Variants in SMARCAL1 observed in about 807,000 individuals in gnomAD.
SMARCAL1 encodes the protein ATP-driven annealing helicase.
Under a neutral mutation model 94.5 loss-of-function variants are expected in SMARCAL1, and 58 were observed. That is an observed-to-expected ratio of 0.61 (90% CI 0.50 to 0.76). The LOEUF (loss-of-function observed/expected upper bound fraction) is 0.76. Among genes scored for constraint, SMARCAL1 ranks in the 30% least tolerant of loss-of-function variants. The pLI is 0.00. For synonymous variants in SMARCAL1, 422 were observed against 455.1 expected (o/e 0.93, Z 0.93); for missense variants, 1,051 against 1,177.9 (o/e 0.89, Z 1.58).
chr2:216,480,316 C>T (rs139656597), intron 17 of SMARCAL1, among the ~76,000 whole-genome samples: 16 of 152,270 alleles, frequency 1.1e-4, no homozygotes, highest in African/African-American at 3.6e-4. Context: ...GAGGTTATAT[C>T]TCACTGAGAT....
intron 11 of SMARCAL1, among the ~76,000 whole-genome samples, chr2:216,447,956 A>G (rs1694356107): frequency 6.6e-6 from 1 of 152,248 alleles, no homozygotes; most frequent in Non-Finnish European, 1.5e-5. Flanking sequence ...CTTACCCTAC[A>G]AGCCATCTAT....
In SMARCAL1 at chr2:216,415,287, G is replaced by A; in HGVS notation, c.583G>A (p.Ala195Thr). ...PRDAKLEAKT[A>T]KASPSGQNIS... ...GGATGCTAAGTTAGAGGCCAAGACA[G>A]CAAAAGCCTCCCCTTCGGGGCAGAA... Residue 195 changes from alanine (A) to threonine (T), a missense_variant, in exon 3 of 18, where the codon GCA becomes ACA. Ala to Thr is a moderately conservative substitution (Grantham distance 58). Around this residue, in one of 3 missense-constraint regions of SMARCAL1, gnomAD observed 398 missense variants for 395.2 expected, o/e 1.01. Coordinates refer to ENST00000357276, the MANE Select transcript of SMARCAL1 (RefSeq NM_014140.4). 6.2e-7 allele frequency: 1 copy of A among 1,614,242 alleles called. No homozygotes were observed. Among genetic ancestry groups the A allele is most frequent in the South Asian group, 1.1e-5 (1 of 91,088 alleles).
intron 12 of SMARCAL1, among the ~76,000 whole-genome samples, chr2:216,462,861 A>T (rs1694736069): frequency 6.6e-6 from 1 of 151,270 alleles, no homozygotes; most frequent in Non-Finnish European, 1.5e-5. Context: ...GTGGTGGTGC[A>T]TACCTTTAGT....
At chr2:216,427,621 C>A (rs1025229533) in intron 6 of SMARCAL1, among the ~76,000 whole-genome samples, 2 of 152,216 alleles carry the variant, frequency 1.3e-5, no homozygotes, top group African/African-American at 4.8e-5. Flanking sequence ...CATCAACCTT[C>A]CCTAATTTCT....
At chr2:216,457,281 G>A (rs1474269767) in intron 12 of SMARCAL1, among the ~76,000 whole-genome samples, 1 of 152,134 alleles carries the variant, frequency 6.6e-6, no homozygotes. Flanking sequence ...ACAGATCAAC[G>A]AGACAGAAAG....
At chr2:216,432,657 C>T (rs1272020382) in intron 7 of SMARCAL1, 61 bp from the exon 8 acceptor site, 3 of 1,604,936 alleles carry the variant, frequency 1.9e-6, no homozygotes, top group East Asian at 4.5e-5. Flanking sequence ...ACCCACCGGA[C>T]ATGAGGGCAG....
At chr2:216,467,909 T>C (rs1016198942) in intron 13 of SMARCAL1, 35 bp from the exon 14 acceptor site, 1 of 1,218,522 alleles carries the variant, frequency 8.2e-7, no homozygotes, top group African/African-American at 1.5e-5. Context: ...AAGGAGTATA[T>C]GTTTAATCTG....
intron 9 of SMARCAL1, among the ~76,000 whole-genome samples, chr2:216,435,844 G>A (rs1694070628): frequency 1.3e-5 from 2 of 152,292 alleles, no homozygotes; most frequent in South Asian, 4.1e-4. Context: ...AACCTGGACG[G>A]CAAGGGGGTG....
chr2:216,432,558 G>A (rs1693987879), intron 7 of SMARCAL1, among the ~76,000 whole-genome samples, 160 bp from the exon 8 acceptor site: 2 of 151,544 alleles, frequency 1.3e-5, no homozygotes, highest in Admixed American at 1.3e-4. Context: ...CTCCCTATTT[G>A]GCCTATGTAC....
chr2:216,471,698 G>A (rs890940524), intron 14 of SMARCAL1, among the ~76,000 whole-genome samples: 1 of 152,110 alleles, frequency 6.6e-6, no homozygotes, highest in Non-Finnish European at 1.5e-5. Context: ...TTTTTGGAGG[G>A]CAGTTTGACA....
In SMARCAL1 at chr2:216,423,809, G is replaced by A. The variant is rs1241132936; in HGVS notation, c.1147+126G>A. 6.0e-6 allele frequency: 5 copies of A among 830,982 alleles called. No individual in the cohort carries two copies. In the East Asian group the frequency reaches 7.9e-5, roughly 13 times the overall value. The allele number at this position is 830,982 out of a possible 1,614,324, so 51.5% of individuals were successfully genotyped here. Reference sequence around the variant, plus strand: ...CTGTGGTGGGATGCTTGAGTACAGGGTAAGTAAAGGTGAGGATGCAGCCTT... The same window carrying A: ...CTGTGGTGGGATGCTTGAGTACAGGATAAGTAAAGGTGAGGATGCAGCCTT... On this transcript the variant is annotated intron_variant, in intron 6 of 17. Transcript: ENST00000357276.
At chr2:216,426,770 A>T (rs1693842196) in intron 6 of SMARCAL1, among the ~76,000 whole-genome samples, 1 of 152,130 alleles carries the variant, frequency 6.6e-6, no homozygotes, top group African/African-American at 2.4e-5. Flanking sequence ...TTTAGTTCTG[A>T]TTTCTCCGCC....
chr2:216,427,623 C>A (rs1342333737), intron 6 of SMARCAL1, among the ~76,000 whole-genome samples: 1 of 152,216 alleles, frequency 6.6e-6, no homozygotes, highest in East Asian at 1.9e-4. Context: ...TCAACCTTCC[C>A]TAATTTCTTC....
chr2:216,471,982 T>C (rs537426343), intron 14 of SMARCAL1, among the ~76,000 whole-genome samples: 3 of 152,188 alleles, frequency 2.0e-5, no homozygotes, highest in Non-Finnish European at 4.4e-5. Flanking sequence ...AAGGTCTTGG[T>C]ATCTGGTTAG....
chr2:216,444,148 A>G (rs1694256139), intron 10 of SMARCAL1, among the ~76,000 whole-genome samples: 1 of 152,230 alleles, frequency 6.6e-6, no homozygotes. Context: ...GTTACTGAGT[A>G]TGGAGACTTT....
At chr2:216,438,042 C>T (rs1694115009) in intron 9 of SMARCAL1, among the ~76,000 whole-genome samples, 1 of 152,226 alleles carries the variant, frequency 6.6e-6, no homozygotes, top group Non-Finnish European at 1.5e-5. Context: ...CAGAGCTTTG[C>T]ACCAGTGCAG....
At chr2:216,420,137 A>G (rs554896086) in intron 4 of SMARCAL1, among the ~76,000 whole-genome samples, 162 bp from the exon 5 acceptor site, 1 of 151,958 alleles carries the variant, frequency 6.6e-6, no homozygotes, top group African/African-American at 2.4e-5. Context: ...AACACTTTCA[A>G]GTCTTCCTAA....
At chr2:216,469,753 C>T (rs1694921811) in intron 14 of SMARCAL1, among the ~76,000 whole-genome samples, 1 of 152,060 alleles carries the variant, frequency 6.6e-6, no homozygotes, top group Admixed American at 6.6e-5. Flanking sequence ...TTCAGGCATG[C>T]TCTTGCATGG....
Position 216,420,308 on chromosome 2 carries a change from C to T in SMARCAL1, c.872C>T (p.Ala291Val), listed in dbSNP as rs148276420. The change falls in exon 5 of 18, where the codon GCC becomes GTC. Residue 291 changes from alanine (A) to valine (V), a missense_variant. Coordinates refer to ENST00000357276, the MANE Select transcript of SMARCAL1 (RefSeq NM_014140.4). ...TCTTCTTCTTTGGCAGTGAAAGCAGCCCAGAGCCTCCCCACGGTCAACCTG... is the reference window on the plus strand; with the variant it reads ...TCTTCTTCTTTGGCAGTGAAAGCAGTCCAGAGCCTCCCCACGGTCAACCTG... ...MNDYSALMKA[A>V]QSLPTVNLQP... 10 of 1,613,694 alleles carry T rather than the reference C, an allele frequency of 6.2e-6. No homozygotes were observed. The African/African-American group carries it at 1.3e-4, about 22-fold the overall frequency.
Sources: gnomAD v4.1 joint callset for allele counts (sites outside exome capture counted in the v4.1 genomes callset) on GRCh38, gnomAD v4.1.1 for gene constraint, gnomAD v4.1.1 regional missense constraint, MANE v1.5 for transcripts, NCBI Gene and HGNC (gene_info 2026-07-23, HGNC 2026-07-21) for gene names.